The following ROBO2 variants were observed in gnomAD, a reference collection of about 807,000 sequenced individuals.
The protein encoded by ROBO2 is roundabout guidance receptor 2.
In ROBO2, 53 loss-of-function variants were observed where a neutral mutation model predicts 160.8. The observed-to-expected ratio is 0.33, with a 90% CI of 0.26 to 0.41. The LOEUF (loss-of-function observed/expected upper bound fraction) is 0.41. Among genes scored for constraint, ROBO2 ranks in the 10% least tolerant of loss-of-function variants. The pLI is 1.00. For missense variants in ROBO2, 1,577 were observed against 1,722.4 expected (o/e 0.92, Z 1.49); for synonymous variants, 664 against 611.7 (o/e 1.09, Z -1.26).
At chr3:76,852,866 T>C (rs2069559605) in intron 2 of ROBO2, among the ~76,000 whole-genome samples, 1 of 152,142 alleles carries the variant, frequency 6.6e-6, no homozygotes, top group Admixed American at 6.6e-5. Context: ...GTAAATATAA[T>C]ACTAAAAAAT....
At chr3:77,200,304 TA>T (rs1239954993) in intron 2 of ROBO2, among the ~76,000 whole-genome samples, 19 of 85,900 alleles carry the variant, frequency 2.2e-4, no homozygotes, top group South Asian at 6.9e-4. Flanking sequence ...TATATATATA[TA>T]TATATATATA....
At chr3:77,505,614 T>A (rs2088386867) in intron 5 of ROBO2, among the ~76,000 whole-genome samples, 1 of 152,300 alleles carries the variant, frequency 6.6e-6, no homozygotes, top group East Asian at 1.9e-4. Flanking sequence ...ATGCCATCTA[T>A]GATAAGATGA....
chr3:77,060,410 T>C (rs1406665179), intron 1 of ROBO2, among the ~76,000 whole-genome samples: 1 of 152,184 alleles, frequency 6.6e-6, no homozygotes, highest in Non-Finnish European at 1.5e-5. Context: ...TCGAGAACAA[T>C]GAACAGAGCT....
At chr3:77,075,771 C>G (rs2067930519) in intron 1 of ROBO2, among the ~76,000 whole-genome samples, 2 of 149,182 alleles carry the variant, frequency 1.3e-5, no homozygotes, top group South Asian at 4.2e-4. Context: ...CTCTGCCTCC[C>G]AGGCTCAAGT....
chr3:77,038,588 C>T (rs2063773211), upstream of ROBO2, among the ~76,000 whole-genome samples: 2 of 152,128 alleles, frequency 1.3e-5, no homozygotes, highest in South Asian at 4.2e-4. Context: ...GAACTAAAGA[C>T]TCACCATCCA....
intron 2 of ROBO2, among the ~76,000 whole-genome samples, chr3:77,298,689 GA>G (rs1159598936): frequency 1.3e-5 from 2 of 152,178 alleles, no homozygotes; most frequent in Non-Finnish European, 2.9e-5. Context: ...GCCGTGAACA[GA>G]AAACTTTGGT....
chr3:76,792,265 A>G (rs1014056567), intron 2 of ROBO2, among the ~76,000 whole-genome samples: 3 of 151,876 alleles, frequency 2.0e-5, no homozygotes, highest in Non-Finnish European at 4.4e-5. Flanking sequence ...AGAGTTTGCA[A>G]CATAGAAATA....
At chr3:76,956,521 C>A (rs549125476) in intron 2 of ROBO2, among the ~76,000 whole-genome samples, 1 of 148,044 alleles carries the variant, frequency 6.8e-6, no homozygotes, top group East Asian at 2.0e-4. Flanking sequence ...CGCGCCACTG[C>A]ACTCCAGCCT....
At chr3:77,124,251 A>T (rs979894199) in intron 2 of ROBO2, among the ~76,000 whole-genome samples, 1 of 152,186 alleles carries the variant, frequency 6.6e-6, no homozygotes, top group Non-Finnish European at 1.5e-5. Context: ...CTCCTTCTTC[A>T]GAAGATGTCT....
chr3:76,233,668 G>A (rs567312155), intron 2 of ROBO2, among the ~76,000 whole-genome samples: 63 of 152,140 alleles, frequency 4.1e-4, no homozygotes, highest in Non-Finnish European at 8.1e-4. Flanking sequence ...TTACTAAGTT[G>A]TTAAATTCAA....
intron 2 of ROBO2, among the ~76,000 whole-genome samples, chr3:77,208,411 G>A (rs1020921121): frequency 3.3e-5 from 5 of 152,026 alleles, no homozygotes; most frequent in South Asian, 2.1e-4. Context: ...TTGTTTTAAA[G>A]GACATGGGGA....
At chr3:76,191,027 G>T (rs1048682350) in intron 2 of ROBO2, among the ~76,000 whole-genome samples, 1 of 152,068 alleles carries the variant, frequency 6.6e-6, no homozygotes, top group Non-Finnish European at 1.5e-5. Context: ...CATTAAGAGC[G>T]ATTAATAGTG....
chr3:77,214,673 C>A (rs1306471027), intron 2 of ROBO2, among the ~76,000 whole-genome samples: 4 of 152,244 alleles, frequency 2.6e-5, no homozygotes, highest in Non-Finnish European at 5.9e-5. Flanking sequence ...TCTTCCTAGC[C>A]TCAATGGTCT....
chr3:76,251,759 A>G (rs1002696313), intron 2 of ROBO2, among the ~76,000 whole-genome samples: 1 of 152,058 alleles, frequency 6.6e-6, no homozygotes, highest in Non-Finnish European at 1.5e-5. Context: ...AAGCTAGGAT[A>G]AAATCCTCAG....
chr3:76,083,629 CT>C (rs767103719), intron 2 of ROBO2, among the ~76,000 whole-genome samples: 3 of 152,044 alleles, frequency 2.0e-5, no homozygotes, highest in Non-Finnish European at 4.4e-5. Flanking sequence ...TCATAGAGCA[CT>C]TTTTGTCTTT....
intron 2 of ROBO2, among the ~76,000 whole-genome samples, chr3:76,277,591 G>C (rs568360994): frequency 6.6e-6 from 1 of 151,868 alleles, no homozygotes; most frequent in Non-Finnish European, 1.5e-5. Flanking sequence ...AAATATTAGA[G>C]GGACTACAAA....
chr3:75,932,861 C>A (rs1425568944), intron 1 of ROBO2, among the ~76,000 whole-genome samples: 1 of 151,928 alleles, frequency 6.6e-6, no homozygotes, highest in Non-Finnish European at 1.5e-5. Flanking sequence ...AGCACGATGG[C>A]CTAGAGTCAT....
chr3:76,805,671 C>CGTGT (rs71673124), intron 2 of ROBO2, among the ~76,000 whole-genome samples: 39 of 146,312 alleles, frequency 2.7e-4, no homozygotes, highest in African/African-American at 7.2e-4. Context: ...TATTGGAATA[C>CGTGT]GTGTGTGTGT....
At chr3:76,440,450 A>G (rs2076876066) in intron 2 of ROBO2, among the ~76,000 whole-genome samples, 1 of 150,602 alleles carries the variant, frequency 6.6e-6, no homozygotes, top group Non-Finnish European at 1.5e-5. Context: ...CCTCCCTGTA[A>G]AAGTACTTTA....
Sources: allele counts gnomAD v4.1 joint callset (sites outside exome capture counted in the v4.1 genomes callset), GRCh38; gene constraint gnomAD v4.1.1; transcripts MANE v1.5; gene names NCBI Gene and HGNC (gene_info 2026-07-23, HGNC 2026-07-21).